The following PCDHAC2 variants were observed in gnomAD, a reference collection of about 807,000 sequenced individuals.
The protein encoded by PCDHAC2 is protocadherin alpha-C2.
PCDHAC2 carries 24 observed loss-of-function variants against 63.3 expected under a neutral mutation model. That is an observed-to-expected ratio of 0.38 (90% CI 0.27 to 0.53). PCDHAC2 has a LOEUF of 0.53. Among genes scored for constraint, PCDHAC2 ranks in the 20% least tolerant of loss-of-function variants. The pLI is 0.81. For synonymous variants in PCDHAC2, 569 were observed against 529.4 expected, an observed-to-expected ratio of 1.07 and a Z score of -1.03; for missense variants, 1,181 against 1,275.2, an observed-to-expected ratio of 0.93 and a Z score of 1.12.
rs1429896772 is a variant in PCDHAC2 at position 140,967,037 on chromosome 5, G to C, written c.271G>C (p.Glu91Gln). ...GGGTGCGCCCAGTCCGCGCTACCTG[G>C]AGCTGGACCTGACGAGTGGAGCGCT... ...HLGAPSPRYL[E>Q]LDLTSGALFV... is the part of the protein sequence containing the mutation. Residue 91 changes from glutamate to glutamine, a missense_variant, in exon 1 of 4, where the codon GAG (glutamate) becomes CAG (glutamine). This residue lies in a region of PCDHAC2 where 210 missense variants were observed against 184.9 expected (regional missense o/e 1.14). Transcript: ENST00000289269. The C allele has an allele frequency of 2.5e-6, 4 of 1,611,378 alleles. No individual in the cohort carries two copies. Among genetic ancestry groups the C allele is most frequent in the South Asian group, 1.1e-5 (1 of 91,048 alleles).
At position 141,011,460 on chromosome 5, in the gene PCDHAC2, T is replaced by G. The variant is rs1285322141; in HGVS notation, c.*1523T>G. 6.5e-6 allele frequency: 1 copy of G among 153,832 alleles called. No homozygotes were observed. The highest frequency in any genetic ancestry group is 2.4e-5 in the African/African-American group (1 of 41,470). 9.5% of individuals were successfully genotyped at this position (153,832 alleles called of 1,614,324 possible). On this transcript the variant is annotated 3_prime_UTR_variant, in exon 4 of 4. Coordinates refer to ENST00000289269, the MANE Select transcript of PCDHAC2 (RefSeq NM_018899.6). The stretch of plus-strand genomic sequence containing the variant: ...TAGAGTGAACTTTAAGCTTTATTGT[T>G]GAATGTAATTCCATTATATTTCCTT...
chr5:140,992,584 T>C (rs1327367703), intron 3 of PCDHAC2, among the ~76,000 whole-genome samples: 1 of 152,194 alleles, frequency 6.6e-6, no homozygotes, highest in Non-Finnish European at 1.5e-5. Context: ...CTGCCTTGTA[T>C]GCATCTAGCG....
Position 140,993,501 on chromosome 5 carries a change from C to T in PCDHAC2, c.2713+10938C>T, listed in dbSNP as rs560043353. Among the ~76,000 whole-genome samples, 25 of 149,100 alleles carry T rather than the reference C, an allele frequency of 1.7e-4. No homozygotes were observed. The East Asian group carries it at 3.5e-3, about 21-fold the overall frequency. ...ACACACACACACACACACACACACA[C>T]ACACACACGGGGAGAGAGAGACAGA... On this transcript the variant is annotated intron_variant, in intron 3 of 3. Transcript: ENST00000289269.
chr5:140,991,635 T>C (rs1215420696), intron 3 of PCDHAC2, among the ~76,000 whole-genome samples: 1 of 152,220 alleles, frequency 6.6e-6, no homozygotes, highest in East Asian at 1.9e-4. Flanking sequence ...GTAATAACAA[T>C]CTGTTCATGA....
In PCDHAC2 at chr5:140,968,939, A is replaced by G; in HGVS notation, c.2173A>G (p.Ile725Val). The change falls in exon 1 of 4, where the codon ATT (isoleucine) becomes GTT (valine). Residue 725 changes from isoleucine to valine, a missense_variant. Ile to Val is a conservative substitution (Grantham distance 29, BLOSUM62 3). Transcript: ENST00000289269. ...TTTTATATTTCTTTTGACAATCATC[A>G]TTTTGAGCATCATCAAGTGCTACCG... ...VSFIFLLTII[I>V]LSIIKCYRYT... 1 of 1,614,164 alleles carries G rather than the reference A, an allele frequency of 6.2e-7. No homozygotes were observed. The highest frequency in any genetic ancestry group is 1.1e-5 in the South Asian group (1 of 91,078).
chr5:140,969,190 T>C lies in PCDHAC2; in HGVS notation c.2424T>C (p.Phe808=). ...GCTCAGGGAGTGACACTTTCATGTT[T>C]TACAATACAGGGGCCCAGACAGGAC... ...TAGSGSDTFM[F]YNTGAQTGPG... The change falls in exon 1 of 4, where the codon TTT becomes TTC. Residue 808 remains phenylalanine, a synonymous_variant. Transcript: ENST00000289269. 2 of 1,614,072 alleles carry C rather than the reference T, an allele frequency of 1.2e-6. No homozygotes were observed. The highest frequency in any genetic ancestry group is 1.7e-6 in the Non-Finnish European group (2 of 1,179,996).
In PCDHAC2 at chr5:140,967,367, C is replaced by A. The variant is rs1390450808; in HGVS notation, c.601C>A (p.Gln201Lys). 1 of 1,607,250 alleles carries A rather than the reference C, an allele frequency of 6.2e-7. No homozygotes were observed. Among genetic ancestry groups the A allele is most frequent in the Non-Finnish European group, 8.5e-7 (1 of 1,175,252 alleles). Reference protein sequence around the residue: ...EHFELDLKPLQENSKVLELVL... With the variant: ...EHFELDLKPLKENSKVLELVL... ...CTTCGAGCTGGACCTTAAGCCCCTG[C>A]AGGAGAACAGTAAAGTGCTTGAGCT... The change falls in exon 1 of 4, where the codon CAG (glutamine) becomes AAG (lysine). Residue 201 changes from glutamine to lysine, a missense_variant. By Grantham distance (53) the Gln-to-Lys change is moderately conservative. This residue lies in a region of PCDHAC2 where 968 missense variants were observed against 1,073.5 expected (regional missense o/e 0.90). Transcript: ENST00000289269.
chr5:140,985,394 A>C (rs2097150028), intron 3 of PCDHAC2, among the ~76,000 whole-genome samples: 1 of 152,084 alleles, frequency 6.6e-6, no homozygotes, highest in South Asian at 2.1e-4. Context: ...AGTCACCCCA[A>C]CTGTTCCCCT....
chr5:140,994,272 C>G (rs1400320599), intron 3 of PCDHAC2, among the ~76,000 whole-genome samples: 1 of 152,168 alleles, frequency 6.6e-6, no homozygotes, highest in Non-Finnish European at 1.5e-5. Context: ...GCTAGGCTGC[C>G]TTTCTTGAGA....
intron 3 of PCDHAC2, among the ~76,000 whole-genome samples, chr5:141,007,395 C>CAAAAAAAAAAAAAAA (rs35800918): frequency 2.1e-5 from 2 of 94,866 alleles, no homozygotes; most frequent in Non-Finnish European, 2.1e-5. Context: ...TACTAAAATA[C>CAAAAAAAAAAAAAAA]AAAAAAAAAA....
At chr5:140,979,350 A>T (rs113796939) in intron 2 of PCDHAC2, among the ~76,000 whole-genome samples, 1,685 of 150,698 alleles carry the variant, frequency 0.011, 22 homozygotes, top group East Asian at 0.044. Flanking sequence ...TGTAATTAAT[A>T]CTCATGCTTT....
At chr5:140,993,616 C>A (rs1554253872) in intron 3 of PCDHAC2, among the ~76,000 whole-genome samples, 2 of 151,688 alleles carry the variant, frequency 1.3e-5, no homozygotes, top group Admixed American at 6.6e-5. Context: ...TTGTTGGGAC[C>A]CTCTATATAT....
At chr5:140,984,228 G>A (rs374551349) in intron 3 of PCDHAC2, among the ~76,000 whole-genome samples, 180 of 152,262 alleles carry the variant, frequency 1.2e-3, no homozygotes, top group African/African-American at 4.0e-3. Context: ...TTGCTCTTAT[G>A]GAGGCATTGT....
rs1554230649 is a variant in PCDHAC2 at position 140,968,373 on chromosome 5, C to T, written c.1607C>T (p.Ser536Phe). 6.2e-7 allele frequency: 1 copy of T among 1,614,034 alleles called. No individual in the cohort carries two copies. Among genetic ancestry groups the T allele is most frequent in the African/African-American group, 1.3e-5 (1 of 75,026 alleles). The change falls in exon 1 of 4, where the codon TCC (serine) becomes TTC (phenylalanine). Residue 536 changes from serine (S) to phenylalanine (F), a missense_variant. By Grantham distance (155) the Ser-to-Phe change is radical. Around this residue, in one of 3 missense-constraint regions of PCDHAC2, gnomAD observed 968 missense variants for 1,073.5 expected, o/e 0.90. Transcript: ENST00000289269. ...AGTGGCAGCCTTTATGCTGTCAACT[C>T]CTTTGACTATGAGAAGTTTCGGGAG... ...SASGSLYAVN[S>F]FDYEKFREFF...
At chr5:140,975,553 G>T (rs990389718) in intron 1 of PCDHAC2, among the ~76,000 whole-genome samples, 2 of 152,226 alleles carry the variant, frequency 1.3e-5, no homozygotes, top group Non-Finnish European at 2.9e-5. Context: ...TATTAGGAAG[G>T]AAAAGGAGAT....
intron 1 of PCDHAC2, among the ~76,000 whole-genome samples, chr5:140,976,889 T>A (rs2096736169): frequency 6.6e-6 from 1 of 152,218 alleles, no homozygotes; most frequent in Admixed American, 6.5e-5. Context: ...TTAGGATACA[T>A]GCAACAGTAT....
chr5:141,009,771 T>C lies in PCDHAC2; in HGVS notation c.2858T>C (p.Ile953Thr), dbSNP rs142720081. 3.1e-5 allele frequency: 50 copies of C among 1,613,964 alleles called. No homozygotes were observed. The highest frequency in any genetic ancestry group is 1.6e-4 in the Middle Eastern group (1 of 6,084). Residue 953 changes from isoleucine (I) to threonine (T), a missense_variant, in exon 4 of 4, where the codon ATC (isoleucine) becomes ACC (threonine). Transcript: ENST00000289269. ...DKFIIPGSPA[I>T]ISIRQEPTNS... ...TTCATTATCCCAGGATCTCCTGCAA[T>C]CATCTCCATCCGGCAGGAGCCTACT...
Position 141,009,978 on chromosome 5 carries a change from A to G in PCDHAC2, c.*41A>G. On this transcript the variant is annotated 3_prime_UTR_variant, in exon 4 of 4. Coordinates refer to ENST00000289269, the MANE Select transcript of PCDHAC2 (RefSeq NM_018899.6). Reference sequence around the variant, plus strand: ...ACAAGCCACTTAGCCAGTTTTTGTAATAATGGCAAATCTCTCCCATGTAGC... The same window carrying G: ...ACAAGCCACTTAGCCAGTTTTTGTAGTAATGGCAAATCTCTCCCATGTAGC... 2 of 1,583,512 alleles carry G rather than the reference A, an allele frequency of 1.3e-6. No homozygotes were observed. Among genetic ancestry groups the G allele is most frequent in the Non-Finnish European group, 1.7e-6 (2 of 1,168,204 alleles).
intron 1 of PCDHAC2, among the ~76,000 whole-genome samples, chr5:140,977,050 G>A (rs546385020): frequency 6.6e-6 from 1 of 152,162 alleles, no homozygotes; most frequent in Non-Finnish European, 1.5e-5. Context: ...TGTTGCTGAT[G>A]GACTAGTATA....
Sources: allele counts gnomAD v4.1 joint callset (sites outside exome capture counted in the v4.1 genomes callset), GRCh38; gene constraint gnomAD v4.1.1; regional missense constraint gnomAD v4.1.1; transcripts MANE v1.5; gene names NCBI Gene and HGNC (gene_info 2026-07-23, HGNC 2026-07-21).